Variants in HS6ST3 observed in about 807,000 individuals in gnomAD.
The protein encoded by HS6ST3 is heparan-sulfate 6-O-sulfotransferase 3.
In HS6ST3, 12 loss-of-function variants were observed where a neutral mutation model predicts 36.7. The observed-to-expected ratio is 0.33, with a 90% CI of 0.21 to 0.53. HS6ST3 has a LOEUF of 0.53. Among genes scored for constraint, HS6ST3 ranks in the 20% least tolerant of loss-of-function variants. The pLI is 0.95. For missense variants in HS6ST3, 584 were observed against 640.9 expected (o/e 0.91, Z 0.96); for synonymous variants, 240 against 257.5 (o/e 0.93, Z 0.65).
chr13:96,667,009 C>T (rs747434814), intron 1 of HS6ST3, among the ~76,000 whole-genome samples: 1 of 152,108 alleles, frequency 6.6e-6, no homozygotes, highest in Non-Finnish European at 1.5e-5. Context: ...ATATCTTTCT[C>T]ATGCTAAGAT....
At chr13:96,123,104 C>T (rs752032489) in intron 1 of HS6ST3, among the ~76,000 whole-genome samples, 1 of 152,164 alleles carries the variant, frequency 6.6e-6, no homozygotes, top group Non-Finnish European at 1.5e-5. Context: ...CTGTCTTCAA[C>T]ATGCCTTATA....
At chr13:96,360,561 A>G (rs1266653250) in intron 1 of HS6ST3, among the ~76,000 whole-genome samples, 3 of 150,966 alleles carry the variant, frequency 2.0e-5, no homozygotes, top group Non-Finnish European at 2.9e-5. Context: ...CTACACTTCT[A>G]TTGATACCAA....
At chr13:96,440,799 A>T (rs2055667048) in intron 1 of HS6ST3, among the ~76,000 whole-genome samples, 1 of 151,650 alleles carries the variant, frequency 6.6e-6, no homozygotes, top group Non-Finnish European at 1.5e-5. Context: ...TTGAGACTAT[A>T]AAAAAAATGG....
At chr13:96,391,046 C>T (rs1024569083) in intron 1 of HS6ST3, among the ~76,000 whole-genome samples, 7 of 152,150 alleles carry the variant, frequency 4.6e-5, no homozygotes, top group African/African-American at 1.4e-4. Context: ...TCCTTAACAT[C>T]CCAGCCACGC....
intron 1 of HS6ST3, among the ~76,000 whole-genome samples, chr13:96,097,691 TTTAAA>T (rs1157110482): frequency 6.6e-6 from 1 of 152,218 alleles, no homozygotes; most frequent in African/African-American, 2.4e-5. Flanking sequence ...TACAACTTTG[TTTAAA>T]TTATAGCTGA....
intron 1 of HS6ST3, among the ~76,000 whole-genome samples, chr13:96,247,967 A>G (rs895405863): frequency 6.6e-6 from 1 of 152,150 alleles, no homozygotes; most frequent in Non-Finnish European, 1.5e-5. Context: ...TATAACAGTA[A>G]TCCCTTAGAC....
At chr13:96,515,672 ATG>A (rs2056069508) in intron 1 of HS6ST3, among the ~76,000 whole-genome samples, 1 of 151,958 alleles carries the variant, frequency 6.6e-6, no homozygotes, top group South Asian at 2.1e-4. Flanking sequence ...TGATGGTTTT[ATG>A]TGTTTGACAG....
chr13:96,166,575 C>CTTTCTT (rs1555389089), intron 1 of HS6ST3, among the ~76,000 whole-genome samples: 1 of 131,590 alleles, frequency 7.6e-6, no homozygotes, highest in African/African-American at 2.8e-5. Flanking sequence ...TTCTTTCTTT[C>CTTTCTT]TTTTTTTTTT....
chr13:96,566,673 T>G (rs1225576902), intron 1 of HS6ST3, among the ~76,000 whole-genome samples: 1 of 152,064 alleles, frequency 6.6e-6, no homozygotes, highest in Non-Finnish European at 1.5e-5. Flanking sequence ...TAGACATAAT[T>G]GTAGGATAGT....
intron 1 of HS6ST3, among the ~76,000 whole-genome samples, chr13:96,643,012 A>G: frequency 6.6e-6 from 1 of 151,938 alleles, no homozygotes; most frequent in East Asian, 1.9e-4. Flanking sequence ...AGCTAATATA[A>G]TGTGGCAACA....
intron 1 of HS6ST3, among the ~76,000 whole-genome samples, chr13:96,104,415 A>G (rs1032905381): frequency 8.5e-5 from 13 of 152,214 alleles, no homozygotes; most frequent in African/African-American, 2.9e-4. Flanking sequence ...AGGAAGGTCA[A>G]TAAGCTGATA....
At chr13:96,669,160 A>G (rs1411408563) in intron 1 of HS6ST3, among the ~76,000 whole-genome samples, 2 of 152,196 alleles carry the variant, frequency 1.3e-5, no homozygotes, top group Non-Finnish European at 2.9e-5. Context: ...AGCTGGAGGC[A>G]CACATATTTG....
intron 1 of HS6ST3, among the ~76,000 whole-genome samples, chr13:96,568,206 A>G (rs898862734): frequency 1.3e-5 from 2 of 152,224 alleles, no homozygotes; most frequent in Non-Finnish European, 2.9e-5. Context: ...AGATAGTGAC[A>G]TGGTTAGATA....
intron 1 of HS6ST3, among the ~76,000 whole-genome samples, chr13:96,166,542 G>C (rs2054160916): frequency 6.7e-6 from 1 of 149,732 alleles, no homozygotes; most frequent in Admixed American, 6.6e-5. Flanking sequence ...TTTATAACTT[G>C]GTTCTTTTTT....
intron 1 of HS6ST3, among the ~76,000 whole-genome samples, chr13:96,607,471 A>G (rs2056443139): frequency 6.6e-6 from 1 of 152,212 alleles, no homozygotes; most frequent in Admixed American, 6.5e-5. Flanking sequence ...GACAAGTAGA[A>G]TAACTAGAGA....
intron 1 of HS6ST3, among the ~76,000 whole-genome samples, chr13:96,798,842 C>T (rs1002435638): frequency 3.3e-5 from 5 of 152,076 alleles, no homozygotes; most frequent in African/African-American, 7.2e-5. Context: ...GGCTAGAATT[C>T]TGAGATCAAG....
chr13:96,349,295 GTTTC>G (rs1256808553), intron 1 of HS6ST3, among the ~76,000 whole-genome samples: 1 of 152,016 alleles, frequency 6.6e-6, no homozygotes, highest in Non-Finnish European at 1.5e-5. Context: ...CACATCAAGA[GTTTC>G]TTTTCTGCAG....
At chr13:96,707,050 T>C (rs565949013) in intron 1 of HS6ST3, among the ~76,000 whole-genome samples, 1 of 152,290 alleles carries the variant, frequency 6.6e-6, no homozygotes, top group South Asian at 2.1e-4. Context: ...AGGAAATGTG[T>C]CTTATTCATC....
At chr13:96,777,203 G>T (rs1877409503) in intron 1 of HS6ST3, among the ~76,000 whole-genome samples, 1 of 152,084 alleles carries the variant, frequency 6.6e-6, no homozygotes, top group Admixed American at 6.5e-5. Context: ...AAAACAATAA[G>T]GGCTATTCAT....
Sources: gnomAD v4.1 joint callset for allele counts (sites outside exome capture counted in the v4.1 genomes callset) on GRCh38, gnomAD v4.1.1 for gene constraint, MANE v1.5 for transcripts, NCBI Gene and HGNC (gene_info 2026-07-23, HGNC 2026-07-21) for gene names.